Variants in STARD13 observed in about 807,000 individuals in gnomAD.
The protein encoded by STARD13 is stAR-related lipid transfer protein 13.
STARD13 carries 62 observed loss-of-function variants against 106.4 expected under a neutral mutation model. That is an observed-to-expected ratio of 0.58 (90% CI 0.48 to 0.72). The LOEUF (loss-of-function observed/expected upper bound fraction) is 0.72. Ranked by LOEUF, STARD13 falls within the 30% of genes least tolerant of loss-of-function variation. STARD13 has a pLI of 0.00. For synonymous variants in STARD13, 565 were observed against 553.0 expected, an observed-to-expected ratio of 1.02 and a Z score of -0.31; for missense variants, 1,387 against 1,424.0, an observed-to-expected ratio of 0.97 and a Z score of 0.42.
chr13:33,111,840 C>G lies in STARD13; in HGVS notation c.2545G>C (p.Glu849Gln), dbSNP rs773393818. The G allele has an allele frequency of 4.3e-6, 7 of 1,614,136 alleles. No individual in the cohort carries two copies. The highest frequency in any genetic ancestry group is 1.3e-5 in the African/African-American group (1 of 75,014). Residue 849 changes from glutamate (E) to glutamine (Q), a missense_variant, in exon 10 of 14, where the codon GAG becomes CAG. Coordinates refer to ENST00000336934, the MANE Select transcript of STARD13 (RefSeq NM_178006.4). ...TGKPDQKDLNENLAAAQGLAH... is the reference protein window; with the variant it reads ...TGKPDQKDLNQNLAAAQGLAH... ...AGCCCCTGAGCTGCTGCCAGATTCT[C>G]GTTGAGGTCCTTTTGATCTGGCTTC... is the stretch of plus-strand genomic sequence containing the variant.
At chr13:33,584,886 G>C in the STARD13 span, among the ~76,000 whole-genome samples, 1 of 151,938 alleles carries the variant, frequency 6.6e-6, no homozygotes, top group African/African-American at 2.4e-5. Flanking sequence ...TCTCTTTCTT[G>C]CTCCTGCTCT....
chr13:33,448,332 AGATTTCATATAAGT>A, the STARD13 span, among the ~76,000 whole-genome samples: 1 of 152,172 alleles, frequency 6.6e-6, no homozygotes, highest in Admixed American at 6.5e-5. Context: ...CAACTTTTTT[AGATTTCATATAAGT>A]GACATCATGC....
the STARD13 span, among the ~76,000 whole-genome samples, chr13:33,376,598 C>T: frequency 6.6e-6 from 1 of 151,582 alleles, no homozygotes; most frequent in Non-Finnish European, 1.5e-5. Context: ...TCTATCCTGA[C>T]CAACATAGCC....
intron 1 of STARD13, among the ~76,000 whole-genome samples, chr13:33,301,049 T>C (rs1181908203): frequency 6.6e-6 from 1 of 152,250 alleles, no homozygotes; most frequent in African/African-American, 2.4e-5. Flanking sequence ...CTGTCATACT[T>C]GCATTGTGAT....
At chr13:33,417,895 T>G in the STARD13 span, among the ~76,000 whole-genome samples, 1 of 152,214 alleles carries the variant, frequency 6.6e-6, no homozygotes, top group Non-Finnish European at 1.5e-5. Context: ...AATTATTGAC[T>G]TATACATTTT....
the STARD13 span, among the ~76,000 whole-genome samples, chr13:33,594,691 G>T: frequency 1.3e-5 from 2 of 152,006 alleles, no homozygotes; most frequent in African/African-American, 4.8e-5. Context: ...CCTCTCCCCA[G>T]CCCTGGCAAC....
chr13:33,131,293 G>A lies in STARD13; in HGVS notation c.388-1004C>T, dbSNP rs576193805. Among the ~76,000 whole-genome samples, 18 of 152,210 alleles carry A rather than the reference G, an allele frequency of 1.2e-4. No homozygotes were observed. In the South Asian group the frequency reaches 3.3e-3, roughly 28 times the overall value. ...GATTTTCAAATCTGTTCCCTCATTC[G>A]TAATTTCACTCTCATTCTCTTAGTG... is the stretch of plus-strand genomic sequence containing the variant. On this transcript the variant is annotated intron_variant, in intron 4 of 13. Coordinates refer to ENST00000336934, the MANE Select transcript of STARD13 (RefSeq NM_178006.4).
the STARD13 span, among the ~76,000 whole-genome samples, chr13:33,390,511 G>A: frequency 7.9e-5 from 12 of 152,128 alleles, no homozygotes; most frequent in Admixed American, 5.9e-4. Flanking sequence ...AGGGCACTGG[G>A]AGCTCCAACC....
At chr13:33,523,995 T>C in the STARD13 span, among the ~76,000 whole-genome samples, 1 of 152,128 alleles carries the variant, frequency 6.6e-6, no homozygotes, top group Non-Finnish European at 1.5e-5. Flanking sequence ...GGACTAACCG[T>C]TTTACCTTCA....
chr13:33,248,964 AAAG>A (rs1189499533), intron 1 of STARD13, among the ~76,000 whole-genome samples: 1 of 152,230 alleles, frequency 6.6e-6, no homozygotes, highest in Non-Finnish European at 1.5e-5. Context: ...CATTTCTACT[AAAG>A]AAGAGAAAAG....
chr13:33,292,929 A>G (rs1404133236), intron 1 of STARD13, among the ~76,000 whole-genome samples: 2 of 151,588 alleles, frequency 1.3e-5, no homozygotes, highest in African/African-American at 2.4e-5. Context: ...GTCCTGCACA[A>G]TCTAGTCCCT....
the STARD13 span, among the ~76,000 whole-genome samples, chr13:33,620,321 C>T: frequency 3.4e-5 from 5 of 148,464 alleles, no homozygotes; most frequent in African/African-American, 1.2e-4. Flanking sequence ...CTCACTCTGT[C>T]GCCCAGGCTG....
In STARD13 at chr13:33,285,563, T is replaced by C; in HGVS notation, c.76A>G (p.Met26Val). The change falls in exon 1 of 14, where the codon ATG (methionine) becomes GTG (valine). Residue 26 changes from methionine (M) to valine (V), a missense_variant. Physicochemically the swap from Met to Val is conservative, Grantham distance 21. Coordinates refer to ENST00000336934, the MANE Select transcript of STARD13 (RefSeq NM_178006.4). ...LNSMTPEGQE[M>V]YLRFDQTTRR... ...GTAGTCTGATCAAATCGCAAGTACA[T>C]CTCCTGGCCCTCAGGTGTCATGGAA... 6.2e-7 allele frequency: 1 copy of C among 1,613,912 alleles called. No homozygotes were observed. Among genetic ancestry groups the C allele is most frequent in the Non-Finnish European group, 8.5e-7 (1 of 1,179,920 alleles).
the STARD13 span, among the ~76,000 whole-genome samples, chr13:33,502,505 G>A: frequency 6.6e-6 from 1 of 152,164 alleles, no homozygotes; most frequent in Admixed American, 6.5e-5. Context: ...CATTCAGTAT[G>A]ATATTGGCTG....
At chr13:33,558,239 G>T in the STARD13 span, among the ~76,000 whole-genome samples, 1 of 152,016 alleles carries the variant, frequency 6.6e-6, no homozygotes. Context: ...TACCTGCAAG[G>T]TACATACCTC....
upstream of STARD13, among the ~76,000 whole-genome samples, chr13:33,351,204 AAAAT>A (rs1468458589): frequency 6.6e-6 from 1 of 152,268 alleles, no homozygotes; most frequent in Non-Finnish European, 1.5e-5. Flanking sequence ...TATGAGGAGA[AAAAT>A]AACTTTAAAA....
chr13:33,421,312 A>G, the STARD13 span, among the ~76,000 whole-genome samples: 1 of 152,252 alleles, frequency 6.6e-6, no homozygotes, highest in African/African-American at 2.4e-5. Flanking sequence ...AGAATACTAT[A>G]AACACCTCTA....
intron 6 of STARD13, among the ~76,000 whole-genome samples, chr13:33,126,467 G>A (rs769795852): frequency 6.6e-6 from 1 of 152,170 alleles, no homozygotes; most frequent in East Asian, 1.9e-4. Flanking sequence ...TTCCCAGAAT[G>A]TATTTGTAGC....
the STARD13 span, among the ~76,000 whole-genome samples, chr13:33,410,920 T>C: frequency 0.14 from 21,364 of 152,216 alleles, 3,534 homozygotes; most frequent in African/African-American, 0.39. Context: ...TTCATTATAA[T>C]GTCTAGAAAT....
Sources: allele counts gnomAD v4.1 joint callset (sites outside exome capture counted in the v4.1 genomes callset), GRCh38; gene constraint gnomAD v4.1.1; transcripts MANE v1.5; gene names NCBI Gene and HGNC (gene_info 2026-07-23, HGNC 2026-07-21).